Variants in DDX10 observed in about 807,000 individuals in gnomAD.
DDX10 encodes the protein probable ATP-dependent RNA helicase DDX10.
Under a neutral mutation model 104.3 loss-of-function variants are expected in DDX10, and 74 were observed. The ratio of observed to expected loss-of-function variants is 0.71; its 90% CI spans 0.59 to 0.86. The LOEUF (loss-of-function observed/expected upper bound fraction) is 0.86. Ranked by LOEUF, DDX10 falls within the 40% of genes least tolerant of loss-of-function variation. The pLI, the probability that DDX10 is intolerant of heterozygous loss-of-function variation, is 0.00. For synonymous variants in DDX10, 351 were observed against 353.4 expected, an observed-to-expected ratio of 0.99 and a Z score of 0.08; for missense variants, 952 against 1,040.0, an observed-to-expected ratio of 0.92 and a Z score of 1.16.
intron 13 of DDX10, among the ~76,000 whole-genome samples, chr11:108,787,981 C>CCTTCCA (rs1861818473): frequency 6.6e-6 from 1 of 152,220 alleles, no homozygotes; most frequent in East Asian, 1.9e-4. Context: ...TAAATTTTTC[C>CCTTCCA]CTTCCAGAAG....
intron 17 of DDX10, among the ~76,000 whole-genome samples, chr11:108,934,527 G>A (rs1240726948): frequency 6.6e-6 from 1 of 152,198 alleles, no homozygotes; most frequent in Non-Finnish European, 1.5e-5. Flanking sequence ...GATGAGGATA[G>A]TTGAGGCCCA....
intron 17 of DDX10, among the ~76,000 whole-genome samples, chr11:108,928,479 T>C (rs1197518635): frequency 6.6e-6 from 1 of 152,210 alleles, no homozygotes; most frequent in African/African-American, 2.4e-5. Flanking sequence ...AATATTGATC[T>C]ACACGCTGTA....
At chr11:108,775,652 AT>A (rs1337610697) in intron 13 of DDX10, among the ~76,000 whole-genome samples, 5 of 152,242 alleles carry the variant, frequency 3.3e-5, no homozygotes, top group Non-Finnish European at 4.4e-5. Flanking sequence ...ATATTAAAAA[AT>A]GTGACTTCAG....
intron 13 of DDX10, among the ~76,000 whole-genome samples, chr11:108,791,211 C>T (rs1372809968): frequency 6.6e-6 from 1 of 152,230 alleles, no homozygotes; most frequent in East Asian, 1.9e-4. Flanking sequence ...CCCACCAATA[C>T]CTTAGCCTGT....
intron 16 of DDX10, among the ~76,000 whole-genome samples, chr11:108,905,386 C>T (rs938360201): frequency 2.9e-4 from 3 of 10,516 alleles, no homozygotes; most frequent in Non-Finnish European, 3.4e-3. Context: ...TTTTATAGTA[C>T]GTCTTTATAT....
At chr11:108,809,994 T>C (rs1192034377) in intron 13 of DDX10, among the ~76,000 whole-genome samples, 3 of 152,190 alleles carry the variant, frequency 2.0e-5, no homozygotes, top group South Asian at 4.1e-4. Flanking sequence ...TATATGTGGT[T>C]ACTGTTAGAG....
intron 16 of DDX10, among the ~76,000 whole-genome samples, chr11:108,867,000 C>G (rs1040634404): frequency 5.9e-5 from 9 of 152,152 alleles, no homozygotes; most frequent in African/African-American, 1.9e-4. Flanking sequence ...GCATTTGAGT[C>G]AGGCCCTGAA....
intron 1 of DDX10, among the ~76,000 whole-genome samples, chr11:108,671,209 G>T (rs1458776017): frequency 6.6e-6 from 1 of 152,238 alleles, no homozygotes; most frequent in Non-Finnish European, 1.5e-5. Context: ...TGTTGCCCAG[G>T]CTGGAGTGCA....
chr11:108,771,352 C>CT (rs1290788790), intron 13 of DDX10, among the ~76,000 whole-genome samples: 5 of 150,816 alleles, frequency 3.3e-5, no homozygotes, highest in South Asian at 2.1e-4. Flanking sequence ...GAAGTTTTTT[C>CT]TTTTTTTTCT....
chr11:108,865,694 G>A (rs905888162), intron 16 of DDX10, among the ~76,000 whole-genome samples: 1 of 152,056 alleles, frequency 6.6e-6, no homozygotes, highest in Non-Finnish European at 1.5e-5. Flanking sequence ...GCGAGATTTT[G>A]AGGGGGAATG....
At chr11:108,706,967 CT>C in intron 10 of DDX10, 130 bp downstream of exon 10, 1 of 719,202 alleles carries the variant, frequency 1.4e-6, no homozygotes, top group Non-Finnish European at 2.4e-6. Context: ...TATAAAAAGG[CT>C]CTTTTTAGAA....
intron 13 of DDX10, among the ~76,000 whole-genome samples, chr11:108,799,500 T>A (rs928187163): frequency 2.0e-5 from 3 of 152,192 alleles, no homozygotes; most frequent in African/African-American, 7.2e-5. Context: ...ACTCAGACAA[T>A]GATTATTTGA....
At chr11:108,669,334 C>G (rs191579493) in intron 1 of DDX10, among the ~76,000 whole-genome samples, 1 of 152,034 alleles carries the variant, frequency 6.6e-6, no homozygotes, top group Non-Finnish European at 1.5e-5. Context: ...TGTGCTCAAG[C>G]GAACTGCCCA....
chr11:108,743,309 G>A (rs2094327544), intron 13 of DDX10, among the ~76,000 whole-genome samples: 1 of 152,096 alleles, frequency 6.6e-6, no homozygotes, highest in South Asian at 2.1e-4. Flanking sequence ...TTCAGAAAAG[G>A]CTTTCAGTAA....
intron 13 of DDX10, among the ~76,000 whole-genome samples, chr11:108,780,253 T>C (rs999256368): frequency 6.6e-6 from 1 of 152,032 alleles, no homozygotes; most frequent in Non-Finnish European, 1.5e-5. Flanking sequence ...TGAGTATGAA[T>C]AGAGCACAGG....
intron 6 of DDX10, among the ~76,000 whole-genome samples, chr11:108,680,267 T>C (rs1237606339): frequency 6.6e-6 from 1 of 152,184 alleles, no homozygotes; most frequent in African/African-American, 2.4e-5. Context: ...CAGGCTGGAG[T>C]GCAGTTGTGT....
chr11:108,879,041 G>A (rs1011124308), intron 16 of DDX10, among the ~76,000 whole-genome samples: 2 of 152,006 alleles, frequency 1.3e-5, no homozygotes, highest in Non-Finnish European at 2.9e-5. Context: ...GTCTTGCTCT[G>A]TCGCCAGGCT....
rs890338134 is a variant in DDX10, at chr11:108,715,918, G to A, written c.1362G>A (p.Leu454=). 2 of 1,566,144 alleles carry A rather than the reference G, an allele frequency of 1.3e-6. No individual in the cohort carries two copies. The highest frequency in any genetic ancestry group is 1.1e-5 in the South Asian group (1 of 88,872). The change falls in exon 11 of 18, where the codon TTG becomes TTA. Residue 454 remains leucine (L), a synonymous_variant. Transcript: ENST00000322536. The part of the protein sequence containing the change: ...PEKLIDVQKK[L]ESILAQDQDL... ...AACTTATAGATGTCCAGAAAAAATT[G>A]GAATCTATTTTAGCTCAAGATCAAG...
intron 12 of DDX10, among the ~76,000 whole-genome samples, chr11:108,720,212 G>C (rs944318187): frequency 1.3e-5 from 2 of 152,216 alleles, no homozygotes; most frequent in African/African-American, 4.8e-5. Context: ...TTCAGTTCTT[G>C]TTAATCAGGG....
Sources: allele counts gnomAD v4.1 joint callset (sites outside exome capture counted in the v4.1 genomes callset), GRCh38; gene constraint gnomAD v4.1.1; transcripts MANE v1.5; gene names NCBI Gene and HGNC (gene_info 2026-07-23, HGNC 2026-07-21).